The following OSBPL9 variants were observed in gnomAD, a reference collection of about 807,000 sequenced individuals.
OSBPL9 encodes the protein oxysterol-binding protein-related protein 9.
Under a neutral mutation model 106.6 loss-of-function variants are expected in OSBPL9, and 40 were observed. That is an observed-to-expected ratio of 0.38 (90% CI 0.29 to 0.49). The LOEUF (loss-of-function observed/expected upper bound fraction) is 0.49, where lower values mean the gene tolerates loss of function less well. OSBPL9 is among the 20% of genes least tolerant of loss of function. OSBPL9 has a pLI of 0.97. For synonymous variants in OSBPL9, 269 were observed against 295.4 expected (o/e 0.91, Z 0.92); for missense variants, 609 against 887.2 (o/e 0.69, Z 3.98).
chr1:51,607,169 T>C (rs998077102), intron 2 of OSBPL9, among the ~76,000 whole-genome samples: 32 of 147,592 alleles, frequency 2.2e-4, no homozygotes, highest in Non-Finnish European at 3.5e-4. Context: ...TTTTTCTTTT[T>C]TTTTTTTTTT....
In OSBPL9 at chr1:51,748,368, G is replaced by A; in HGVS notation, c.463-1G>A. Reference sequence around the variant, plus strand: ...CTGTTTAAACTTATTATTTTTCACAGAAAATTGAAACTCTCAAAGAGACAA... The same window carrying A: ...CTGTTTAAACTTATTATTTTTCACAAAAAATTGAAACTCTCAAAGAGACAA... On this transcript the variant is annotated splice_acceptor_variant, in intron 6 of 23. Transcript: ENST00000428468. LOFTEE classifies it high-confidence loss of function. The A allele has an allele frequency of 6.6e-7, 1 of 1,516,280 alleles. No homozygotes were observed. Among genetic ancestry groups the A allele is most frequent in the Non-Finnish European group, 8.8e-7 (1 of 1,142,048 alleles). The allele number at this position is 1,516,280 out of a possible 1,614,324, so 93.9% of individuals were successfully genotyped here.
intron 2 of OSBPL9, among the ~76,000 whole-genome samples, chr1:51,664,785 T>A (rs1199997273): frequency 6.6e-6 from 1 of 152,190 alleles, no homozygotes; most frequent in East Asian, 1.9e-4. Flanking sequence ...AATGGAGGGT[T>A]GGGTTAATGA....
chr1:51,549,254 A>G, the OSBPL9 span, among the ~76,000 whole-genome samples: 5 of 152,158 alleles, frequency 3.3e-5, no homozygotes, highest in Non-Finnish European at 7.3e-5. Flanking sequence ...CTTTGGGCAG[A>G]CTTGTGCATT....
chr1:51,571,812 GTC>G, the OSBPL9 span, among the ~76,000 whole-genome samples: 1 of 152,330 alleles, frequency 6.6e-6, no homozygotes, highest in African/African-American at 2.4e-5. Flanking sequence ...CAAGTTTTGA[GTC>G]TCTATTCTGC....
Position 51,787,402 on chromosome 1 carries a change from G to A in OSBPL9, c.2050G>A (p.Ala684Thr). ...CTTAAAAATCAGAGACATTGATGCA[G>A]CAACTGAAGCAAAGCACAGGCTTGA... is the stretch of plus-strand genomic sequence containing the variant. ...FNLKIRDIDAATEAKHRLEER... is the reference protein window; with the variant it reads ...FNLKIRDIDATTEAKHRLEER... The change falls in exon 23 of 24, where the codon GCA (alanine) becomes ACA (threonine). Residue 684 changes from alanine to threonine, a missense_variant. By Grantham distance (58) the Ala-to-Thr change is moderately conservative (BLOSUM62 0). This residue lies in a region of OSBPL9 where 132 missense variants were observed against 158.1 expected (regional missense o/e 0.83). Coordinates refer to ENST00000428468, the MANE Select transcript of OSBPL9 (RefSeq NM_024586.6). The A allele has an allele frequency of 6.2e-7, 1 of 1,614,050 alleles. No homozygotes were observed. The highest frequency in any genetic ancestry group is 8.5e-7 in the Non-Finnish European group (1 of 1,179,932).
chr1:51,546,924 C>T, the OSBPL9 span, among the ~76,000 whole-genome samples: 1 of 152,052 alleles, frequency 6.6e-6, no homozygotes, highest in Admixed American at 6.6e-5. Flanking sequence ...AAGAGATGCC[C>T]AAAGTACCAC....
chr1:51,689,235 C>T (rs1013937473), intron 3 of OSBPL9, among the ~76,000 whole-genome samples: 1 of 152,098 alleles, frequency 6.6e-6, no homozygotes, highest in African/African-American at 2.4e-5. Context: ...TCTGTTAGGC[C>T]ACATCTGTTT....
At chr1:51,529,130 C>T in the OSBPL9 span, among the ~76,000 whole-genome samples, 1 of 152,136 alleles carries the variant, frequency 6.6e-6, no homozygotes, top group Admixed American at 6.5e-5. Flanking sequence ...CAGTTAGCTT[C>T]TTTGTATAAA....
Position 51,731,775 on chromosome 1 carries a change from CAAAAAA to C in OSBPL9, c.319-13748_319-13743del, listed in dbSNP as rs905927971. ...CTGGCGACAGAGCAAGAGTCTGTCT[CAAAAAA>C]AAAAAAAAAAAACTCTTAAAGAAAA... is the stretch of plus-strand genomic sequence containing the variant. On this transcript the variant is annotated intron_variant, in intron 4 of 23. Transcript: ENST00000428468. Among the ~76,000 whole-genome samples, 3 of 67,144 alleles carry C rather than the reference CAAAAAA, an allele frequency of 4.5e-5. No homozygotes were observed. In the Admixed American group the frequency reaches 5.0e-4, roughly 11 times the overall value. The allele number at this position is 67,144 out of a possible 152,430, so 44.0% of individuals were successfully genotyped here.
chr1:51,620,154 A>G (rs1224382746), intron 1 of OSBPL9, among the ~76,000 whole-genome samples: 15 of 152,236 alleles, frequency 9.9e-5, no homozygotes. Context: ...TGAAATGGCC[A>G]GGGAGAACTA....
upstream of OSBPL9, among the ~76,000 whole-genome samples, chr1:51,575,708 C>T (rs1645179796): frequency 6.6e-6 from 1 of 152,154 alleles, no homozygotes; most frequent in Admixed American, 6.6e-5. Flanking sequence ...AAATATGCTG[C>T]TCTTCCATAT....
chr1:51,711,226 C>T (rs549583232), intron 3 of OSBPL9, among the ~76,000 whole-genome samples: 1 of 151,562 alleles, frequency 6.6e-6, no homozygotes, highest in East Asian at 2.0e-4. Context: ...GCTGGGCACA[C>T]CTCCCAGACG....
chr1:51,722,316 C>T (rs1571325472), intron 4 of OSBPL9, among the ~76,000 whole-genome samples: 1 of 152,192 alleles, frequency 6.6e-6, no homozygotes, highest in African/African-American at 2.4e-5. Context: ...CATGTTTTTT[C>T]AGAATAAAGT....
intron 1 of OSBPL9, among the ~76,000 whole-genome samples, chr1:51,590,568 C>G (rs1486866237): frequency 7.0e-6 from 1 of 143,380 alleles, no homozygotes; most frequent in African/African-American, 2.6e-5. Context: ...TGCATTGAGC[C>G]GAGATCGCGC....
intron 4 of OSBPL9, among the ~76,000 whole-genome samples, chr1:51,742,591 C>T (rs902269034): frequency 6.6e-6 from 1 of 151,378 alleles, no homozygotes; most frequent in South Asian, 2.1e-4. Flanking sequence ...AAAAAATTAT[C>T]TGGGCTTGGT....
chr1:51,599,994 G>A (rs932946890), intron 2 of OSBPL9, among the ~76,000 whole-genome samples: 2 of 152,202 alleles, frequency 1.3e-5, no homozygotes, highest in Non-Finnish European at 2.9e-5. Flanking sequence ...ATAGATGGAA[G>A]GACCAGGCTG....
chr1:51,545,770 C>A, the OSBPL9 span, among the ~76,000 whole-genome samples: 2 of 152,198 alleles, frequency 1.3e-5, no homozygotes, highest in African/African-American at 2.4e-5. Context: ...AACACACACA[C>A]AAAACAACTG....
In OSBPL9 at chr1:51,579,856, A is replaced by AAATAATAAT. The variant is rs34556128; in HGVS notation, c.-423+2625_-423+2633dup. ...GGCGACAGAGTGAGACTCTGTCTCA[A>AAATAATAAT]AATAATAATAATAATAATAATAATA... On this transcript the variant is annotated intron_variant, in intron 1 of 25. Coordinates refer to the OSBPL9 transcript ENST00000371714. Among the ~76,000 whole-genome samples the AAATAATAAT allele has an allele frequency of 7.9e-3, 1,138 of 143,834 alleles. 10 individuals carry two copies. The highest frequency in any genetic ancestry group is 0.027 in the African/African-American group (1,008 of 37,842). The allele number at this position is 143,834 out of a possible 152,430, so 94.4% of individuals were successfully genotyped here. A position where few individuals can be genotyped will look rare whatever the true frequency, so the allele number is the denominator to read the frequency against.
At chr1:51,518,769 C>T in the OSBPL9 span, among the ~76,000 whole-genome samples, 1 of 151,884 alleles carries the variant, frequency 6.6e-6, no homozygotes, top group African/African-American at 2.4e-5. Context: ...GCGGGCGAGC[C>T]TCGTGCGGCC....
Sources: allele counts gnomAD v4.1 joint callset (sites outside exome capture counted in the v4.1 genomes callset), GRCh38; gene constraint gnomAD v4.1.1; regional missense constraint gnomAD v4.1.1; transcripts MANE v1.5; gene names NCBI Gene and HGNC (gene_info 2026-07-23, HGNC 2026-07-21).